GAS2: variants seen among roughly 807,000 people sequenced by gnomAD.
GAS2 encodes the protein growth arrest specific 2, also known as growth arrest-specific protein 2.
Under a neutral mutation model 37.5 loss-of-function variants are expected in GAS2, and 20 were observed. The observed-to-expected ratio is 0.53, with a 90% CI of 0.37 to 0.77. The LOEUF is 0.77. GAS2 is among the 30% of genes least tolerant of loss of function. GAS2 has a pLI of 0.00. For synonymous variants in GAS2, 144 were observed against 132.2 expected (o/e 1.09, Z -0.61); for missense variants, 336 against 373.4 (o/e 0.90, Z 0.82).
intron 1 of GAS2, among the ~76,000 whole-genome samples, chr11:22,646,031 C>A (rs189320216): frequency 2.0e-5 from 3 of 151,860 alleles, no homozygotes; most frequent in Non-Finnish European, 4.4e-5. Context: ...TTAGTAGACA[C>A]GGGGTTTCTC....
chr11:22,775,708 C>T (rs1855224263), intron 7 of GAS2, among the ~76,000 whole-genome samples: 1 of 151,726 alleles, frequency 6.6e-6, no homozygotes. Context: ...TATCAATTGA[C>T]AAGAGTCAAA....
intron 3 of GAS2, among the ~76,000 whole-genome samples, chr11:22,709,396 T>A (rs915052123): frequency 6.6e-6 from 1 of 152,124 alleles, no homozygotes; most frequent in African/African-American, 2.4e-5. Flanking sequence ...AGACATGTAT[T>A]TGAAAAAAAA....
In GAS2 at chr11:22,784,719, C is replaced by T. The variant is rs115430915; in HGVS notation, c.724-27079C>T. Among the ~76,000 whole-genome samples, 1,486 of 152,218 alleles carry T rather than the reference C, an allele frequency of 9.8e-3. 21 individuals are homozygous for T. Among genetic ancestry groups the T allele is most frequent in the African/African-American group, 0.033 (1,387 of 41,554 alleles). ...CTCCAATATGAGCCTCAGAATCAAA[C>T]CCAGTCCTACAAATATGTTCTCATA... On this transcript the variant is annotated intron_variant, in intron 7 of 7. Coordinates refer to ENST00000454584, the MANE Select transcript of GAS2 (RefSeq NM_001143830.3).
intron 4 of GAS2, among the ~76,000 whole-genome samples, chr11:22,728,943 T>G (rs1852344783): frequency 6.6e-6 from 1 of 151,388 alleles, no homozygotes; most frequent in Admixed American, 6.6e-5. Context: ...TGGACTCTAC[T>G]TGCAGAATTG....
chr11:22,710,208 A>G (rs1305376603), intron 3 of GAS2, among the ~76,000 whole-genome samples: 1 of 152,000 alleles, frequency 6.6e-6, no homozygotes, highest in African/African-American at 2.4e-5. Flanking sequence ...AAACAAAAAC[A>G]ACTTTTTTTC....
At chr11:22,709,018 G>A (rs777362937) in intron 3 of GAS2, among the ~76,000 whole-genome samples, 17 of 152,128 alleles carry the variant, frequency 1.1e-4, no homozygotes, top group Non-Finnish European at 1.3e-4. Context: ...AGGGCCCATG[G>A]TAGTAGAGTA....
At chr11:22,783,335 G>A (rs768927698) in intron 7 of GAS2, among the ~76,000 whole-genome samples, 3 of 151,994 alleles carry the variant, frequency 2.0e-5, no homozygotes, top group Admixed American at 2.0e-4. Context: ...ATAGATTCTG[G>A]ATATCACACT....
intron 1 of GAS2, among the ~76,000 whole-genome samples, chr11:22,636,945 A>C (rs1858830803): frequency 7.1e-6 from 1 of 140,156 alleles, no homozygotes; most frequent in African/African-American, 2.6e-5. Flanking sequence ...TATAAATAAT[A>C]ATAAATTGTT....
At chr11:22,636,354 C>G (rs1309116141) in intron 1 of GAS2, among the ~76,000 whole-genome samples, 1 of 152,136 alleles carries the variant, frequency 6.6e-6, no homozygotes. Context: ...AAACAACCTA[C>G]CTCACGGGCC....
chr11:22,793,342 T>C (rs11026795), intron 7 of GAS2, among the ~76,000 whole-genome samples: 92,284 of 152,042 alleles, frequency 0.61, 28,323 homozygotes, highest in East Asian at 0.81. Context: ...GTGAGTTTTA[T>C]GTATAGATAA....
intron 3 of GAS2, among the ~76,000 whole-genome samples, chr11:22,720,573 G>A (rs1045718715): frequency 4.6e-5 from 7 of 151,972 alleles, no homozygotes; most frequent in Middle Eastern, 3.2e-3. Flanking sequence ...ACTAAAAGTA[G>A]CAAGGGGATA....
In GAS2 at chr11:22,704,588, CATATATATATATAT is replaced by C. The variant is rs3049395; in HGVS notation, c.267+18822_267+18835del. On this transcript the variant is annotated intron_variant, in intron 3 of 7. Coordinates refer to ENST00000454584, the MANE Select transcript of GAS2 (RefSeq NM_001143830.3). ...TCAATTAGAAGCCAGTGAAAATAAA[CATATATATATATAT>C]ATATATATATATATATATATATTTT... 7.2e-4 allele frequency among the ~76,000 whole-genome samples: 65 copies of C among 90,510 alleles called. 3 individuals carry two copies. Among genetic ancestry groups the C allele is most frequent in the East Asian group, 7.0e-3 (19 of 2,728 alleles). The allele number at this position is 90,510 out of a possible 152,430, so 59.4% of individuals were successfully genotyped here. A position where few individuals can be genotyped will look rare whatever the true frequency, so the allele number is the denominator to read the frequency against.
At chr11:22,781,803 T>C (rs1590124200) in intron 7 of GAS2, among the ~76,000 whole-genome samples, 1 of 152,286 alleles carries the variant, frequency 6.6e-6, no homozygotes, top group African/African-American at 2.4e-5. Flanking sequence ...AGTTCCCCTC[T>C]AGGACTGTCT....
intron 1 of GAS2, among the ~76,000 whole-genome samples, chr11:22,628,983 A>C (rs1590546154): frequency 6.9e-6 from 1 of 145,512 alleles, no homozygotes; most frequent in Admixed American, 7.1e-5. Flanking sequence ...TTTATGGCTG[A>C]GTAGTATTCC....
chr11:22,660,098 T>G (rs1406671751), intron 1 of GAS2, among the ~76,000 whole-genome samples: 1 of 152,180 alleles, frequency 6.6e-6, no homozygotes, highest in African/African-American at 2.4e-5. Flanking sequence ...TTAGGTAAGC[T>G]TTTTAAAAAC....
At chr11:22,770,267 A>T (rs1047984280) in intron 7 of GAS2, among the ~76,000 whole-genome samples, 1 of 152,194 alleles carries the variant, frequency 6.6e-6, no homozygotes, top group Admixed American at 6.5e-5. Flanking sequence ...ATACCTATGT[A>T]ACAAACCTGC....
intron 7 of GAS2, among the ~76,000 whole-genome samples, chr11:22,801,053 A>G (rs1259818963): frequency 3.9e-5 from 6 of 152,084 alleles, no homozygotes; most frequent in African/African-American, 1.4e-4. Context: ...TTCAATGAAA[A>G]GCGAGTTGAT....
chr11:22,786,835 GA>G (rs1280457276), intron 7 of GAS2, among the ~76,000 whole-genome samples: 1 of 152,112 alleles, frequency 6.6e-6, no homozygotes, highest in Non-Finnish European at 1.5e-5. Context: ...GGACTTTTCA[GA>G]AAGAAGTGAG....
intron 3 of GAS2, among the ~76,000 whole-genome samples, chr11:22,693,709 TCTAA>T (rs1270694515): frequency 6.6e-6 from 1 of 152,162 alleles, no homozygotes; most frequent in Non-Finnish European, 1.5e-5. Flanking sequence ...AGGTAAAAAA[TCTAA>T]CTGTCACCTG....
Sources: gnomAD v4.1 joint callset for allele counts (sites outside exome capture counted in the v4.1 genomes callset) on GRCh38, gnomAD v4.1.1 for gene constraint, MANE v1.5 for transcripts, NCBI Gene and HGNC (gene_info 2026-07-23, HGNC 2026-07-21) for gene names.